Variants in C1orf141 observed in about 807,000 individuals in gnomAD.
The protein encoded by C1orf141 is chromosome 1 open reading frame 141.
Under a neutral mutation model 23.2 loss-of-function variants are expected in C1orf141, and 19 were observed. That is an observed-to-expected ratio of 0.82 (90% confidence interval 0.57 to 1.20). The LOEUF (loss-of-function observed/expected upper bound fraction) is 1.20. Ranked by LOEUF, C1orf141 falls within the 50% of genes most tolerant of loss-of-function variation. C1orf141 has a pLI of 0.00. For synonymous variants in C1orf141, 153 were observed against 154.6 expected (o/e 0.99, Z 0.08); for missense variants, 469 against 455.1 (o/e 1.03, Z -0.28).
intron 5 of C1orf141, among the ~76,000 whole-genome samples, chr1:67,104,774 A>G (rs1387174357): frequency 3.9e-5 from 6 of 152,186 alleles, no homozygotes; most frequent in African/African-American, 1.2e-4. Context: ...AATCTTACCT[A>G]TGACTTCAGG....
intron 4 of C1orf141, among the ~76,000 whole-genome samples, chr1:67,119,675 G>T (rs993055366): frequency 6.6e-6 from 1 of 152,208 alleles, no homozygotes; most frequent in South Asian, 2.1e-4. Flanking sequence ...CAGGAATAGA[G>T]ATGGGATTAT....
intron 1 of C1orf141, among the ~76,000 whole-genome samples, chr1:67,140,723 T>C (rs994161118): frequency 6.6e-6 from 1 of 152,192 alleles, no homozygotes; most frequent in Non-Finnish European, 1.5e-5. Context: ...GTAACGATGA[T>C]TTTTATTTAA....
chr1:67,123,675 T>C (rs927759162), intron 4 of C1orf141: 4 of 152,158 alleles, frequency 2.6e-5, no homozygotes, highest in Non-Finnish European at 5.9e-5. Context: ...CTAAGGAGGA[T>C]CCAAGTATCA....
At chr1:67,113,320 A>G (rs1387331654) in intron 5 of C1orf141, among the ~76,000 whole-genome samples, 1 of 152,030 alleles carries the variant, frequency 6.6e-6, no homozygotes, top group East Asian at 1.9e-4. Context: ...GTAGGGAATG[A>G]GGCTGAATAC....
At position 67,132,664 on chromosome 1, in the gene C1orf141, A is replaced by T. The variant is rs12569203; in HGVS notation, c.-103-1437T>A. 2.6e-5 allele frequency among the ~76,000 whole-genome samples: 4 copies of T among 152,150 alleles called. No homozygotes were observed. In the East Asian group the frequency reaches 7.7e-4, roughly 29 times the overall value. On this transcript the variant is annotated intron_variant, in intron 1 of 7. Coordinates refer to ENST00000684719, the MANE Select transcript of C1orf141 (RefSeq NM_001276351.2). ...CATCTAACGGGGATTTGAAAATTAC[A>T]ATTTAATTTGGAGATGTCTCTGAAT...
At chr1:67,133,974 C>T (rs4655679) in intron 1 of C1orf141, among the ~76,000 whole-genome samples, 42,440 of 152,036 alleles carry the variant, frequency 0.28, 6,431 homozygotes, top group Admixed American at 0.44. Flanking sequence ...TGCTTAGTTC[C>T]GCATTATGCA....
At chr1:67,109,999 G>T (rs182236013) in intron 5 of C1orf141, among the ~76,000 whole-genome samples, 1 of 151,930 alleles carries the variant, frequency 6.6e-6, no homozygotes, top group Admixed American at 6.6e-5. Context: ...ACTTTGTTCG[G>T]TAATGATTAT....
At chr1:67,127,783 C>T (rs1485706428) in intron 2 of C1orf141, among the ~76,000 whole-genome samples, 1 of 151,914 alleles carries the variant, frequency 6.6e-6, no homozygotes, top group Non-Finnish European at 1.5e-5. Flanking sequence ...TACAGGTGTG[C>T]ACCACCATGC....
intron 5 of C1orf141, among the ~76,000 whole-genome samples, chr1:67,099,913 G>A (rs1645760849): frequency 3.9e-5 from 6 of 152,080 alleles, no homozygotes; most frequent in Admixed American, 3.9e-4. Flanking sequence ...ATGAAATATT[G>A]TGAATATTTG....
At chr1:67,102,435 G>A (rs1298466813) in intron 5 of C1orf141, among the ~76,000 whole-genome samples, 1 of 151,646 alleles carries the variant, frequency 6.6e-6, no homozygotes, top group Non-Finnish European at 1.5e-5. Flanking sequence ...TTTAGATGTG[G>A]ATGCATGAGG....
At chr1:67,133,924 A>AG (rs1263175850) in intron 1 of C1orf141, among the ~76,000 whole-genome samples, 1 of 152,244 alleles carries the variant, frequency 6.6e-6, no homozygotes, top group Non-Finnish European at 1.5e-5. Context: ...AAGCTAGTAC[A>AG]GCCCAGGCAC....
At chr1:67,124,405 C>T (rs148412108) in intron 4 of C1orf141, among the ~76,000 whole-genome samples, 2,281 of 152,164 alleles carry the variant, frequency 0.015, 48 homozygotes, top group Middle Eastern at 0.027. Flanking sequence ...CTCTGCCTCC[C>T]GAGTTCAAGC....
chr1:67,131,752 C>G (rs1646519239), intron 1 of C1orf141, among the ~76,000 whole-genome samples: 1 of 150,874 alleles, frequency 6.6e-6, no homozygotes. Flanking sequence ...CAAAAGCCTA[C>G]TCTTTATGAA....
At chr1:67,131,731 T>A (rs978856748) in intron 1 of C1orf141, among the ~76,000 whole-genome samples, 1 of 152,058 alleles carries the variant, frequency 6.6e-6, no homozygotes, top group African/African-American at 2.4e-5. Context: ...TTCTCCCACA[T>A]GTCTTCCAGT....
intron 5 of C1orf141, among the ~76,000 whole-genome samples, chr1:67,099,713 T>C (rs1449756075): frequency 1.3e-5 from 2 of 152,112 alleles, no homozygotes; most frequent in African/African-American, 4.8e-5. Flanking sequence ...GAGGCAGAGG[T>C]TGCAGTAAGC....
intron 5 of C1orf141, among the ~76,000 whole-genome samples, chr1:67,101,380 G>C (rs1412105697): frequency 1.3e-5 from 2 of 151,618 alleles, no homozygotes; most frequent in Non-Finnish European, 2.9e-5. Flanking sequence ...AATCCCAAGG[G>C]GGACAATTTT....
chr1:67,105,190 G>A (rs1645894136), intron 5 of C1orf141, among the ~76,000 whole-genome samples: 1 of 151,884 alleles, frequency 6.6e-6, no homozygotes, highest in Non-Finnish European at 1.5e-5. Flanking sequence ...GCCGGGTGTG[G>A]TGGTGTACGC....
intron 5 of C1orf141, among the ~76,000 whole-genome samples, chr1:67,109,956 AC>A (rs1372431478): frequency 2.0e-5 from 3 of 152,054 alleles, no homozygotes; most frequent in Non-Finnish European, 2.9e-5. Context: ...GTTAAATTGT[AC>A]CCACTGAGAA....
chr1:67,126,345 A>G (rs1297200562), intron 3 of C1orf141, among the ~76,000 whole-genome samples: 1 of 152,234 alleles, frequency 6.6e-6, no homozygotes, highest in African/African-American at 2.4e-5. Context: ...GAGTGAAGAA[A>G]GTAATCAAAA....
Sources: allele counts gnomAD v4.1 joint callset (sites outside exome capture counted in the v4.1 genomes callset), GRCh38; gene constraint gnomAD v4.1.1; transcripts MANE v1.5; gene names NCBI Gene and HGNC (gene_info 2026-07-23, HGNC 2026-07-21).